CSMD1: variants seen among roughly 807,000 people sequenced by gnomAD.
CSMD1 encodes CUB and Sushi multiple domains 1.
Under a neutral mutation model 417.5 loss-of-function variants are expected in CSMD1, and 213 were observed. That is an observed-to-expected ratio of 0.51 (90% CI 0.46 to 0.57). CSMD1 has a LOEUF of 0.57. Ranked by LOEUF, CSMD1 falls within the 20% of genes least tolerant of loss-of-function variation. The pLI, the probability that CSMD1 is intolerant of heterozygous loss-of-function variation, is 0.00. For synonymous variants in CSMD1, 2,862 were observed against 1,736.8 expected, an observed-to-expected ratio of 1.65 and a Z score of -16.11; for missense variants, 6,923 against 4,529.7, an observed-to-expected ratio of 1.53 and a Z score of -15.17.
chr8:3,006,118 T>A (rs1807873797), intron 52 of CSMD1, among the ~76,000 whole-genome samples: 1 of 151,024 alleles, frequency 6.6e-6, no homozygotes, highest in East Asian at 1.9e-4. Flanking sequence ...AGCATTCTTA[T>A]ACACCAACAA....
At chr8:4,911,127 T>G (rs1805643156) in intron 1 of CSMD1, among the ~76,000 whole-genome samples, 1 of 152,216 alleles carries the variant, frequency 6.6e-6, no homozygotes, top group Non-Finnish European at 1.5e-5. Flanking sequence ...ACCTCTTTCT[T>G]TTGTAAATTC....
chr8:3,597,425 T>C (rs190421832), intron 8 of CSMD1, among the ~76,000 whole-genome samples: 1 of 69,958 alleles, frequency 1.4e-5, no homozygotes, highest in Non-Finnish European at 2.5e-5. Flanking sequence ...AGGGAACTAC[T>C]TTCAATGCAA....
intron 5 of CSMD1, among the ~76,000 whole-genome samples, chr8:3,827,304 C>A (rs1308228880): frequency 6.6e-6 from 1 of 152,090 alleles, no homozygotes; most frequent in Non-Finnish European, 1.5e-5. Context: ...TGGTTAGAGT[C>A]AAAGGCTCTA....
intron 3 of CSMD1, among the ~76,000 whole-genome samples, chr8:4,037,116 T>A (rs903726017): frequency 6.6e-6 from 1 of 152,248 alleles, no homozygotes; most frequent in Non-Finnish European, 1.5e-5. Context: ...TTATTTTACT[T>A]GTTTTTATTA....
chr8:3,710,544 G>T (rs1422098566), intron 6 of CSMD1, among the ~76,000 whole-genome samples: 1 of 152,030 alleles, frequency 6.6e-6, no homozygotes, highest in African/African-American at 2.4e-5. Context: ...TTGCCCTTTG[G>T]GACTGTCTTC....
chr8:3,296,296 A>G (rs116847854), intron 25 of CSMD1, among the ~76,000 whole-genome samples: 2,919 of 151,762 alleles, frequency 0.019, 36 homozygotes, highest in East Asian at 0.03. Context: ...CAGAAGCCCC[A>G]CGTAAGGGGC....
chr8:3,152,766 C>T (rs963566668), intron 39 of CSMD1, among the ~76,000 whole-genome samples: 2 of 152,218 alleles, frequency 1.3e-5, no homozygotes, highest in African/African-American at 4.8e-5. Context: ...AAGGCGACTT[C>T]TTTGTGGCAG....
At chr8:4,331,016 T>G (rs1346121930) in intron 3 of CSMD1, among the ~76,000 whole-genome samples, 1 of 152,218 alleles carries the variant, frequency 6.6e-6, no homozygotes, top group Non-Finnish European at 1.5e-5. Context: ...AAGTTCTTAG[T>G]GCATTATCTT....
intron 9 of CSMD1, among the ~76,000 whole-genome samples, chr8:3,579,606 A>G (rs958959874): frequency 2.6e-5 from 4 of 152,174 alleles, no homozygotes; most frequent in African/African-American, 9.7e-5. Context: ...CATAATGAAG[A>G]TAATATATCA....
At chr8:4,134,378 C>T (rs937944645) in intron 3 of CSMD1, among the ~76,000 whole-genome samples, 4 of 152,006 alleles carry the variant, frequency 2.6e-5, no homozygotes, top group South Asian at 2.1e-4. Flanking sequence ...ATGAAGAAAT[C>T]GGGACACAGA....
chr8:3,864,935 G>C (rs1804978674), intron 5 of CSMD1, among the ~76,000 whole-genome samples: 1 of 152,184 alleles, frequency 6.6e-6, no homozygotes. Flanking sequence ...TCGGACTTCT[G>C]TTCTGGGTGA....
At chr8:3,955,472 T>C (rs1811879931) in intron 5 of CSMD1, among the ~76,000 whole-genome samples, 1 of 152,220 alleles carries the variant, frequency 6.6e-6, no homozygotes, top group Admixed American at 6.5e-5. Context: ...TAGAATTTTG[T>C]ACTGATATGT....
At chr8:3,046,062 A>G (rs905260077) in intron 50 of CSMD1, among the ~76,000 whole-genome samples, 1 of 152,156 alleles carries the variant, frequency 6.6e-6, no homozygotes, top group African/African-American at 2.4e-5. Context: ...CTTTTGGAGA[A>G]AGGAGCTCAA....
At chr8:3,961,748 G>A (rs1165427814) in intron 5 of CSMD1, among the ~76,000 whole-genome samples, 3 of 152,148 alleles carry the variant, frequency 2.0e-5, no homozygotes, top group East Asian at 1.9e-4. Context: ...AGTAAAGCCC[G>A]GTCTTTCATG....
intron 3 of CSMD1, among the ~76,000 whole-genome samples, chr8:4,345,219 G>C (rs975563548): frequency 6.6e-6 from 1 of 152,140 alleles, no homozygotes; most frequent in Non-Finnish European, 1.5e-5. Flanking sequence ...ACATATATTA[G>C]CAGCTATTGC....
At chr8:3,279,947 G>T (rs1014628318) in intron 26 of CSMD1, among the ~76,000 whole-genome samples, 1 of 152,170 alleles carries the variant, frequency 6.6e-6, no homozygotes, top group African/African-American at 2.4e-5. Flanking sequence ...AGATTTGGGT[G>T]GGGACGTAGA....
chr8:3,033,996 C>A (rs945280609), intron 50 of CSMD1, among the ~76,000 whole-genome samples: 1 of 152,172 alleles, frequency 6.6e-6, no homozygotes, highest in Admixed American at 6.5e-5. Context: ...ACCCCCTAGT[C>A]GGGCAGGTGC....
chr8:3,790,323 A>C (rs960677900), intron 5 of CSMD1, among the ~76,000 whole-genome samples: 1 of 152,178 alleles, frequency 6.6e-6, no homozygotes, highest in Non-Finnish European at 1.5e-5. Flanking sequence ...GTAACTTCAA[A>C]TGTATAATGA....
rs1801410218 is a variant in CSMD1, at chr8:2,935,746, C to G, written c.*2839G>C. 6.6e-6 allele frequency: 1 copy of G among 152,174 alleles called. No homozygotes were observed. Among genetic ancestry groups the G allele is most frequent in the Non-Finnish European group, 1.5e-5 (1 of 68,024 alleles). The allele number at this position is 152,174 out of a possible 1,614,324, so 9.4% of individuals were successfully genotyped here. ...GGACGGGAGGGAGGGTCGGCGATGA[C>G]AATGGGTTTTCCTGATCATAATGCC... On this transcript the variant is annotated 3_prime_UTR_variant, in exon 70 of 70. Transcript: ENST00000635120.
Sources: allele counts gnomAD v4.1 joint callset (sites outside exome capture counted in the v4.1 genomes callset), GRCh38; gene constraint gnomAD v4.1.1; transcripts MANE v1.5; gene names NCBI Gene and HGNC (gene_info 2026-07-23, HGNC 2026-07-21).